GRM8: variants seen among roughly 807,000 people sequenced by gnomAD.
The protein encoded by GRM8 is glutamate metabotropic receptor 8.
Under a neutral mutation model 87.2 loss-of-function variants are expected in GRM8, and 47 were observed. The observed-to-expected ratio is 0.54, with a 90% CI of 0.43 to 0.69. GRM8 has a LOEUF of 0.69. Ranked by LOEUF, GRM8 falls within the 30% of genes least tolerant of loss-of-function variation. The pLI is 0.00. For synonymous variants in GRM8, 396 were observed against 404.5 expected, an observed-to-expected ratio of 0.98 and a Z score of 0.25; for missense variants, 1,019 against 1,139.2, an observed-to-expected ratio of 0.89 and a Z score of 1.52.
intron 2 of GRM8, among the ~76,000 whole-genome samples, chr7:127,136,678 A>T (rs1340148375): frequency 6.6e-6 from 1 of 152,020 alleles, no homozygotes; most frequent in Non-Finnish European, 1.5e-5. Flanking sequence ...GACTCAACTC[A>T]CTATTTCTAT....
intron 6 of GRM8, among the ~76,000 whole-genome samples, chr7:126,871,286 T>C (rs531995898): frequency 1.3e-5 from 2 of 152,332 alleles, no homozygotes; most frequent in Admixed American, 1.3e-4. Context: ...CTTATTATAC[T>C]CATTGTTCTG....
chr7:127,236,018 G>T (rs541984355), intron 2 of GRM8, among the ~76,000 whole-genome samples: 22 of 148,262 alleles, frequency 1.5e-4, no homozygotes, highest in South Asian at 4.2e-4. Flanking sequence ...CATATATTTT[G>T]CTTATTTTAC....
chr7:127,022,618 A>G (rs990982538), intron 3 of GRM8, among the ~76,000 whole-genome samples: 4 of 152,018 alleles, frequency 2.6e-5, no homozygotes, highest in Non-Finnish European at 5.9e-5. Flanking sequence ...TTCCAAGATC[A>G]TGACTTCTAG....
intron 7 of GRM8, among the ~76,000 whole-genome samples, chr7:126,726,684 A>G (rs972338091): frequency 6.6e-6 from 1 of 152,192 alleles, no homozygotes; most frequent in African/African-American, 2.4e-5. Context: ...GGAATTGGAA[A>G]GTATCTGCCC....
chr7:127,036,230 G>A (rs1286576062), intron 3 of GRM8, among the ~76,000 whole-genome samples: 1 of 152,116 alleles, frequency 6.6e-6, no homozygotes, highest in Non-Finnish European at 1.5e-5. Context: ...CTGAGGTATA[G>A]AGGAGCTAAG....
intron 6 of GRM8, among the ~76,000 whole-genome samples, chr7:126,899,390 C>T (rs1801851227): frequency 6.6e-6 from 1 of 152,134 alleles, no homozygotes; most frequent in African/African-American, 2.4e-5. Flanking sequence ...GTTCACGCAC[C>T]TACACGTCAC....
At chr7:126,571,322 C>T (rs957608830) in intron 8 of GRM8, among the ~76,000 whole-genome samples, 1 of 152,082 alleles carries the variant, frequency 6.6e-6, no homozygotes, top group Admixed American at 6.6e-5. Context: ...AAAGGGAACC[C>T]CATGGAGACA....
intron 6 of GRM8, among the ~76,000 whole-genome samples, chr7:126,873,391 T>C (rs1037514261): frequency 6.6e-6 from 1 of 152,234 alleles, no homozygotes; most frequent in Middle Eastern, 3.4e-3. Context: ...TTGATGCTTA[T>C]AAACTGTGTA....
intron 7 of GRM8, among the ~76,000 whole-genome samples, chr7:126,660,939 A>G (rs1805095871): frequency 6.6e-6 from 1 of 152,194 alleles, no homozygotes; most frequent in Admixed American, 6.5e-5. Flanking sequence ...CAACTGTCAA[A>G]ACAAATCAGG....
At chr7:127,074,065 T>C (rs1213744294) in intron 3 of GRM8, among the ~76,000 whole-genome samples, 1 of 152,238 alleles carries the variant, frequency 6.6e-6, no homozygotes, top group Admixed American at 6.5e-5. Flanking sequence ...TAATGTGTTT[T>C]GCTTAATAAG....
At chr7:126,723,020 A>AAATTATATATATAAATC (rs1812592721) in intron 7 of GRM8, among the ~76,000 whole-genome samples, 1 of 141,948 alleles carries the variant, frequency 7.0e-6, no homozygotes, top group Admixed American at 7.0e-5. Context: ...ACATATATAT[A>AAATTATATATATAAATC]AATTATATAT....
chr7:126,449,466 TA>T (rs1340131954), intron 9 of GRM8, among the ~76,000 whole-genome samples: 1 of 151,854 alleles, frequency 6.6e-6, no homozygotes, highest in Non-Finnish European at 1.5e-5. Flanking sequence ...ACTTTGCATC[TA>T]AAAATATGCT....
intron 9 of GRM8, among the ~76,000 whole-genome samples, chr7:126,494,960 A>G (rs984180202): frequency 1.3e-5 from 2 of 152,080 alleles, no homozygotes; most frequent in Non-Finnish European, 2.9e-5. Context: ...ATAATTTCCT[A>G]AGATCTCTTA....
chr7:126,695,948 G>A (rs938840601), intron 7 of GRM8, among the ~76,000 whole-genome samples: 2 of 152,076 alleles, frequency 1.3e-5, no homozygotes, highest in African/African-American at 4.8e-5. Flanking sequence ...AGCCATAAGA[G>A]GCAACATATG....
intron 2 of GRM8, among the ~76,000 whole-genome samples, chr7:127,135,749 T>G (rs1827915913): frequency 1.3e-5 from 2 of 152,098 alleles, no homozygotes; most frequent in Non-Finnish European, 2.9e-5. Context: ...TTTTTCTTAT[T>G]CCTAAGAAAA....
At chr7:126,949,888 T>C (rs1807947231) in intron 3 of GRM8, among the ~76,000 whole-genome samples, 1 of 152,146 alleles carries the variant, frequency 6.6e-6, no homozygotes, top group African/African-American at 2.4e-5. Context: ...CTAAAAACCA[T>C]AGTCATGATG....
intron 3 of GRM8, among the ~76,000 whole-genome samples, chr7:126,982,232 A>G (rs923958345): frequency 6.6e-5 from 10 of 152,250 alleles, no homozygotes; most frequent in Non-Finnish European, 1.2e-4. Flanking sequence ...TATTCTGGCC[A>G]TGCTGGCAGC....
At chr7:127,099,248 T>A (rs1037529971) in intron 3 of GRM8, among the ~76,000 whole-genome samples, 3 of 152,164 alleles carry the variant, frequency 2.0e-5, no homozygotes, top group African/African-American at 7.2e-5. Flanking sequence ...GGACTGTGGA[T>A]CTAATAGCTG....
chr7:127,087,346 C>T (rs888949649), intron 3 of GRM8, among the ~76,000 whole-genome samples: 7 of 152,118 alleles, frequency 4.6e-5, no homozygotes, highest in Admixed American at 1.3e-4. Context: ...GAATAGAGAA[C>T]GAAGAGTATG....
Sources: gnomAD v4.1 joint callset for allele counts (sites outside exome capture counted in the v4.1 genomes callset) on GRCh38, gnomAD v4.1.1 for gene constraint, MANE v1.5 for transcripts, NCBI Gene and HGNC (gene_info 2026-07-23, HGNC 2026-07-21) for gene names.